TRAPPC9: variants seen among roughly 807,000 people sequenced by gnomAD.
TRAPPC9 encodes the protein trafficking protein particle complex subunit 9, also known as IKK2 binding protein.
A neutral mutation model predicts 124.0 loss-of-function variants in TRAPPC9; 83 were observed. That is an observed-to-expected ratio of 0.67 (90% CI 0.56 to 0.80). TRAPPC9 has a LOEUF of 0.80. TRAPPC9 is among the 30% of genes least tolerant of loss of function. The probability of loss-of-function intolerance (pLI) is 0.00; values close to 1 mark genes in which losing one functional copy is unlikely to be tolerated. For missense variants in TRAPPC9, 1,302 were observed against 1,508.3 expected, an observed-to-expected ratio of 0.86 and a Z score of 2.27; for synonymous variants, 638 against 617.5, an observed-to-expected ratio of 1.03 and a Z score of -0.49.
chr8:140,181,940 T>C (rs951046030), intron 17 of TRAPPC9, among the ~76,000 whole-genome samples: 1 of 152,326 alleles, frequency 6.6e-6, no homozygotes, highest in Admixed American at 6.5e-5. Context: ...ATGGTAAATC[T>C]GTGCATCCTC....
intron 10 of TRAPPC9, among the ~76,000 whole-genome samples, chr8:140,306,139 A>G (rs557766148): frequency 8.1e-4 from 123 of 152,340 alleles, no homozygotes; most frequent in South Asian, 1.9e-3. Context: ...AGTATGGCCC[A>G]TGGCATATCT....
At chr8:139,889,353 C>A (rs1830197782) in intron 20 of TRAPPC9, among the ~76,000 whole-genome samples, 1 of 152,088 alleles carries the variant, frequency 6.6e-6, no homozygotes, top group African/African-American at 2.4e-5. Context: ...AACAGTTGTC[C>A]CTTCTCGGGA....
At chr8:139,995,681 T>C (rs1462297782) in intron 18 of TRAPPC9, among the ~76,000 whole-genome samples, 2 of 151,872 alleles carry the variant, frequency 1.3e-5, no homozygotes, top group African/African-American at 4.8e-5. Flanking sequence ...AAGCATGAAC[T>C]CCTAAGCTCA....
At position 140,390,984 on chromosome 8, in the gene TRAPPC9, C is replaced by T. The variant is rs142890285; in HGVS notation, c.1134+6636G>A. 6.6e-4 allele frequency among the ~76,000 whole-genome samples: 101 copies of T among 152,262 alleles called. 1 individual carries two copies. In the East Asian group the frequency reaches 0.018, roughly 27 times the overall value. ...TTAAAAAGCCTTTCCCAAATCTCCC[C>T]GTGCCTCTGATTTTCAGCTTAAATT... On this transcript the variant is annotated intron_variant, in intron 7 of 22. Transcript: ENST00000438773.
At chr8:140,271,888 G>A (rs1009217627) in intron 15 of TRAPPC9, among the ~76,000 whole-genome samples, 1 of 152,222 alleles carries the variant, frequency 6.6e-6, no homozygotes, top group East Asian at 1.9e-4. Context: ...TGGTGTCTGT[G>A]GCAATAGCAA....
Position 140,275,809 on chromosome 8 carries a change from T to C in TRAPPC9, c.2127A>G (p.Ser709=), listed in dbSNP as rs1245301550. The C allele has an allele frequency of 1.2e-6, 2 of 1,612,834 alleles. No individual in the cohort carries two copies. Among genetic ancestry groups the C allele is most frequent in the African/African-American group, 1.3e-5 (1 of 74,992 alleles). The change falls in exon 15 of 23, where the codon TCA becomes TCG. Residue 709 remains serine (S), a synonymous_variant. Transcript: ENST00000438773. The part of the protein sequence containing the change: ...ISTSLPRSAH[S]LQPSSGDEIS... ...TTTCATCACCAGAAGAAGGTTGCAA[T>C]GAATGTGCAGATCTAAAATAAGAAG...
chr8:139,819,610 C>T (rs1825110154), intron 21 of TRAPPC9, among the ~76,000 whole-genome samples: 1 of 152,166 alleles, frequency 6.6e-6, no homozygotes, highest in Non-Finnish European at 1.5e-5. Context: ...CTGATGAGCA[C>T]AGGGCAAAAA....
chr8:140,310,509 G>A (rs2066267232), intron 10 of TRAPPC9, among the ~76,000 whole-genome samples: 1 of 152,172 alleles, frequency 6.6e-6, no homozygotes, highest in Non-Finnish European at 1.5e-5. Context: ...ACCTTTTGCA[G>A]GTCCTAAGCC....
intron 21 of TRAPPC9, among the ~76,000 whole-genome samples, chr8:139,819,268 C>T (rs532047158): frequency 1.3e-5 from 2 of 152,302 alleles, no homozygotes; most frequent in African/African-American, 4.8e-5. Flanking sequence ...TCTAGTCTAG[C>T]TGCAGGAAAA....
intron 17 of TRAPPC9, among the ~76,000 whole-genome samples, chr8:140,093,251 G>C (rs1241459581): frequency 6.6e-6 from 1 of 152,210 alleles, no homozygotes; most frequent in Non-Finnish European, 1.5e-5. Flanking sequence ...GCAGGAAGTT[G>C]CTACGGGGTC....
At chr8:139,848,679 A>C (rs1827256984) in intron 21 of TRAPPC9, among the ~76,000 whole-genome samples, 1 of 152,196 alleles carries the variant, frequency 6.6e-6, no homozygotes, top group Non-Finnish European at 1.5e-5. Context: ...CCAGCTCCCG[A>C]AATAGAAGCC....
intron 21 of TRAPPC9, among the ~76,000 whole-genome samples, chr8:139,820,285 A>G (rs1019076195): frequency 3.3e-5 from 5 of 151,804 alleles, no homozygotes; most frequent in Non-Finnish European, 7.4e-5. Flanking sequence ...GGTTCAAGCA[A>G]TTCTCCTGCC....
At chr8:140,152,669 T>C (rs1182884916) in intron 17 of TRAPPC9, among the ~76,000 whole-genome samples, 1 of 152,058 alleles carries the variant, frequency 6.6e-6, no homozygotes, top group African/African-American at 2.4e-5. Flanking sequence ...CGCCCGGCCA[T>C]GTTGCCATCT....
chr8:140,301,737 G>A (rs1198943246), intron 10 of TRAPPC9, among the ~76,000 whole-genome samples: 2 of 152,204 alleles, frequency 1.3e-5, no homozygotes, highest in African/African-American at 2.4e-5. Context: ...GAGGAGCTCT[G>A]GCCAGTAGGT....
At chr8:139,817,540 C>T (rs1234783097) in intron 21 of TRAPPC9, among the ~76,000 whole-genome samples, 1 of 152,250 alleles carries the variant, frequency 6.6e-6, no homozygotes, top group Non-Finnish European at 1.5e-5. Flanking sequence ...AGCGTGCCCT[C>T]CTGGTCTCCT....
At chr8:140,451,404 A>C in intron 1 of TRAPPC9, 21 bp from the exon 2 acceptor site, 1 of 1,588,302 alleles carries the variant, frequency 6.3e-7, no homozygotes, top group Non-Finnish European at 8.5e-7. Flanking sequence ...AGAAGAAATG[A>C]GGCTGTGAGA....
intron 9 of TRAPPC9, among the ~76,000 whole-genome samples, chr8:140,333,873 A>T (rs1450597392): frequency 6.6e-6 from 1 of 152,250 alleles, no homozygotes; most frequent in East Asian, 1.9e-4. Flanking sequence ...AAGGGAATTT[A>T]TAGCCCTTCC....
At chr8:140,367,186 T>G (rs764080048) in intron 8 of TRAPPC9, among the ~76,000 whole-genome samples, 1 of 152,150 alleles carries the variant, frequency 6.6e-6, no homozygotes, top group Non-Finnish European at 1.5e-5. Context: ...AGTAAACATA[T>G]TTTTACCATA....
At chr8:140,440,111 G>C (rs1178683992) in intron 2 of TRAPPC9, among the ~76,000 whole-genome samples, 2 of 152,168 alleles carry the variant, frequency 1.3e-5, no homozygotes, top group African/African-American at 4.8e-5. Context: ...CACAACGTAA[G>C]GCAGACGCAG....
Sources: allele counts gnomAD v4.1 joint callset (sites outside exome capture counted in the v4.1 genomes callset), GRCh38; gene constraint gnomAD v4.1.1; transcripts MANE v1.5; gene names NCBI Gene and HGNC (gene_info 2026-07-23, HGNC 2026-07-21).